TBC1D4: variants seen among roughly 807,000 people sequenced by gnomAD.
TBC1D4 encodes the protein TBC1 domain family member 4.
TBC1D4 carries 121 observed loss-of-function variants against 142.5 expected under a neutral mutation model. The ratio of observed to expected loss-of-function variants is 0.85; its 90% CI spans 0.73 to 0.99. The LOEUF (loss-of-function observed/expected upper bound fraction) is 0.99, where lower values mean the gene tolerates loss of function less well. Among genes scored for constraint, TBC1D4 ranks in the 50% least tolerant of loss-of-function variants. The probability of loss-of-function intolerance (pLI) is 0.00; values close to 1 mark genes in which losing one functional copy is unlikely to be tolerated. For synonymous variants in TBC1D4, 630 were observed against 628.2 expected (o/e 1.00, Z -0.04); for missense variants, 1,475 against 1,606.6 (o/e 0.92, Z 1.40).
At chr13:75,342,400 A>C (rs1880787383) in intron 5 of TBC1D4, among the ~76,000 whole-genome samples, 1 of 152,238 alleles carries the variant, frequency 6.6e-6, no homozygotes, top group South Asian at 2.1e-4. Context: ...AAGAAGAAAG[A>C]ACAAGTAATA....
Position 75,285,278 on chromosome 13 carries a change from C to G in TBC1D4, c.*1514G>C, listed in dbSNP as rs982344696. 6.6e-6 allele frequency: 1 copy of G among 152,038 alleles called. No homozygotes were observed. The highest frequency in any genetic ancestry group is 1.5e-5 in the Non-Finnish European group (1 of 68,016). 9.4% of individuals were successfully genotyped at this position (152,038 alleles called of 1,614,324 possible). A position where few individuals can be genotyped will look rare whatever the true frequency, so the allele number is the denominator to read the frequency against. On this transcript the variant is annotated 3_prime_UTR_variant, in exon 21 of 21. Transcript: ENST00000377636. The stretch of plus-strand genomic sequence containing the variant: ...TCTGTTCATCAAAGCTTTCTGAAAC[C>G]CCTAGAGCTTTACTATTCTACTCTA...
In TBC1D4 at chr13:75,382,615, T is replaced by C. The variant is rs549862090; in HGVS notation, c.499-20008A>G. Among the ~76,000 whole-genome samples the C allele has an allele frequency of 4.0e-4, 61 of 152,342 alleles. 1 individual carries two copies. In the South Asian group the frequency reaches 0.011, roughly 28 times the overall value. On this transcript the variant is annotated intron_variant, in intron 1 of 20. Transcript: ENST00000377636. ...GCCCTATTCAGTTATTGGAAAACTT[T>C]AAAGTATGACTGGAACAAACTGTAT...
chr13:75,368,399 T>C (rs1883039937), intron 1 of TBC1D4, among the ~76,000 whole-genome samples: 3 of 152,240 alleles, frequency 2.0e-5, no homozygotes, highest in African/African-American at 7.2e-5. Flanking sequence ...GCTTTGTTTT[T>C]GATCCTCGGG....
intron 1 of TBC1D4, among the ~76,000 whole-genome samples, chr13:75,423,687 AC>A (rs1344845244): frequency 6.6e-6 from 1 of 152,088 alleles, no homozygotes; most frequent in African/African-American, 2.4e-5. Context: ...TTGTAGAGTA[AC>A]TCTGCAGCTA....
In TBC1D4 at chr13:75,362,367, C is replaced by A; in HGVS notation, c.739G>T (p.Asp247Tyr). 1 of 1,614,220 alleles carries A rather than the reference C, an allele frequency of 6.2e-7. No homozygotes were observed. The highest frequency in any genetic ancestry group is 8.5e-7 in the Non-Finnish European group (1 of 1,180,044). Residue 247 changes from aspartate to tyrosine, a missense_variant, in exon 2 of 21, where the codon GAC becomes TAC. Around this residue, in one of 2 missense-constraint regions of TBC1D4, gnomAD observed 1,227 missense variants for 1,267.7 expected, o/e 0.97. Coordinates refer to ENST00000377636, the MANE Select transcript of TBC1D4 (RefSeq NM_014832.5). The surrounding 1 kb of genome is among the most constrained non-coding windows in gnomAD (Gnocchi z 4.2). ...LKIQGEQRGP[D>Y]PGEDLADLEV... ...AAGTCAGCCAGGTCCTCTCCTGGGTCCGGACCGCGCTGCTCCCCTTGGATC... is the reference window on the plus strand; with the variant it reads ...AAGTCAGCCAGGTCCTCTCCTGGGTACGGACCGCGCTGCTCCCCTTGGATC...
intron 1 of TBC1D4, among the ~76,000 whole-genome samples, chr13:75,431,700 T>C (rs1238095876): frequency 6.6e-6 from 1 of 152,216 alleles, no homozygotes; most frequent in Non-Finnish European, 1.5e-5. Flanking sequence ...AAGTAACTAT[T>C]TGCATGGAAT....
Position 75,286,900 on chromosome 13 carries a change from C to T in TBC1D4, c.3789G>A (p.Glu1263=). 1 of 1,613,970 alleles carries T rather than the reference C, an allele frequency of 6.2e-7. No individual in the cohort carries two copies. Among genetic ancestry groups the T allele is most frequent in the Non-Finnish European group, 8.5e-7 (1 of 1,179,978 alleles). The stretch of plus-strand genomic sequence containing the variant: ...CCGCGGGCAGCAGCTTCCGGAGTTG[C>T]TCCACTGTCTTTTGATAAGCCATTT... The part of the protein sequence containing the change: ...QEKMAYQKTV[E]QLRKLLPADA... The change falls in exon 21 of 21, where the codon GAG becomes GAA. Residue 1263 remains glutamate, a synonymous_variant. Transcript: ENST00000377636.
At chr13:75,457,593 T>A (rs1265822553) in intron 1 of TBC1D4, among the ~76,000 whole-genome samples, 1 of 152,184 alleles carries the variant, frequency 6.6e-6, no homozygotes, top group Non-Finnish European at 1.5e-5. Context: ...ATCAAGACCA[T>A]GACTTAGAAA....
chr13:75,457,549 C>T (rs1887789282), intron 1 of TBC1D4, among the ~76,000 whole-genome samples: 1 of 152,154 alleles, frequency 6.6e-6, no homozygotes, highest in Non-Finnish European at 1.5e-5. Flanking sequence ...GTAAACCTTC[C>T]TTTGTAACCT....
rs3812848 is a variant in TBC1D4, at chr13:75,285,812, C to T, written c.*980G>A. The stretch of plus-strand genomic sequence containing the variant: ...TCAATCATAATTACGTTTCCTTATA[C>T]TGAATTTAAGGTAGAGAGACCTAAA... On this transcript the variant is annotated 3_prime_UTR_variant, in exon 21 of 21. Coordinates refer to ENST00000377636, the MANE Select transcript of TBC1D4 (RefSeq NM_014832.5). 29,835 of 152,504 alleles carry T rather than the reference C, an allele frequency of 0.2. 3,773 individuals carry two copies. The highest frequency in any genetic ancestry group is 0.45 in the East Asian group (2,342 of 5,160). 9.4% of individuals were successfully genotyped at this position (152,504 alleles called of 1,614,324 possible).
At chr13:75,310,826 C>T (rs1235707648) in intron 13 of TBC1D4, among the ~76,000 whole-genome samples, 4 of 152,118 alleles carry the variant, frequency 2.6e-5, no homozygotes, top group East Asian at 3.9e-4. Context: ...AAGGGGGTCC[C>T]GGTGTCTAAT....
intron 16 of TBC1D4, among the ~76,000 whole-genome samples, chr13:75,300,696 TTC>T (rs1876445679): frequency 6.6e-6 from 1 of 152,208 alleles, no homozygotes; most frequent in Non-Finnish European, 1.5e-5. Context: ...TAAATACACT[TTC>T]TATCCATTAA....
At chr13:75,323,413 G>A (rs142098815) in intron 11 of TBC1D4, among the ~76,000 whole-genome samples, 1 of 152,144 alleles carries the variant, frequency 6.6e-6, no homozygotes, top group African/African-American at 2.4e-5. Flanking sequence ...AGGTTCCCAA[G>A]TAAGCCCATT....
chr13:75,469,673 G>A (rs1487602256), intron 1 of TBC1D4, among the ~76,000 whole-genome samples: 1 of 152,128 alleles, frequency 6.6e-6, no homozygotes. Flanking sequence ...TACTTGGGAG[G>A]CTGAGGTGGG....
chr13:75,405,369 A>G (rs1885290351), intron 1 of TBC1D4, among the ~76,000 whole-genome samples: 1 of 148,284 alleles, frequency 6.7e-6, no homozygotes, highest in Non-Finnish European at 1.5e-5. Flanking sequence ...TCCCGGGTTC[A>G]AGCAATTCTC....
At position 75,286,698 on chromosome 13, in the gene TBC1D4, A is replaced by C; in HGVS notation, c.*94T>G. 1 of 1,278,042 alleles carries C rather than the reference A, an allele frequency of 7.8e-7. No individual in the cohort carries two copies. The highest frequency in any genetic ancestry group is 1.1e-6 in the Non-Finnish European group (1 of 898,232). The allele number at this position is 1,278,042 out of a possible 1,614,324, so 79.2% of individuals were successfully genotyped here. A position where few individuals can be genotyped will look rare whatever the true frequency, so the allele number is the denominator to read the frequency against. On this transcript the variant is annotated 3_prime_UTR_variant, in exon 21 of 21. Coordinates refer to ENST00000377636, the MANE Select transcript of TBC1D4 (RefSeq NM_014832.5). Reference sequence around the variant, plus strand: ...AGCACCAGTATTAGGTGGTTCCATCAGCTTCAGGGTCCAGCCTTGGGCCAG... The same window carrying C: ...AGCACCAGTATTAGGTGGTTCCATCCGCTTCAGGGTCCAGCCTTGGGCCAG...
intron 2 of TBC1D4, among the ~76,000 whole-genome samples, chr13:75,361,476 G>T (rs1882500396): frequency 6.6e-6 from 1 of 152,112 alleles, no homozygotes; most frequent in Non-Finnish European, 1.5e-5. Flanking sequence ...CGACTCCCCA[G>T]TTCAAGCAAT....
intron 11 of TBC1D4, 75 bp downstream of exon 11, chr13:75,324,158 TAATC>T (rs902992325): frequency 3.9e-6 from 6 of 1,551,636 alleles, no homozygotes; most frequent in East Asian, 4.5e-5. Context: ...ACTCCAAAAT[TAATC>T]AACCACTTTT....
Position 75,444,879 on chromosome 13 carries a change from G to A in TBC1D4, c.498+36391C>T, listed in dbSNP as rs1887209175. Among the ~76,000 whole-genome samples the A allele has an allele frequency of 2.6e-5, 4 of 152,164 alleles. No homozygotes were observed. The South Asian group carries it at 8.3e-4, about 32-fold the overall frequency. On this transcript the variant is annotated intron_variant, in intron 1 of 20. Coordinates refer to ENST00000377636, the MANE Select transcript of TBC1D4 (RefSeq NM_014832.5). ...TTTTTATTTCAATATTGGAAAAAAT[G>A]ATATTAATGGCTTTCATTTATTAAT...
Sources: gnomAD v4.1 joint callset for allele counts (sites outside exome capture counted in the v4.1 genomes callset) on GRCh38, gnomAD v4.1.1 for gene constraint, gnomAD v4.1.1 regional missense constraint, Gnocchi (gnomAD v3.1) non-coding constraint, MANE v1.5 for transcripts, NCBI Gene and HGNC (gene_info 2026-07-23, HGNC 2026-07-21) for gene names.